Variants in PIP4K2B observed in about 807,000 individuals in gnomAD.
PIP4K2B encodes the protein phosphatidylinositol 5-phosphate 4-kinase type-2 beta.
PIP4K2B carries 3 observed loss-of-function variants against 42.0 expected under a neutral mutation model. The observed-to-expected ratio is 0.07, with a 90% CI of 0.03 to 0.18. The LOEUF (loss-of-function observed/expected upper bound fraction) is 0.18, where lower values mean the gene tolerates loss of function less well. Among genes scored for constraint, PIP4K2B ranks in the 10% least tolerant of loss-of-function variants. PIP4K2B has a pLI of 1.00. For missense variants in PIP4K2B, 332 were observed against 562.3 expected (o/e 0.59, Z 4.14); for synonymous variants, 204 against 210.1 (o/e 0.97, Z 0.25).
chr17:38,784,406 T>C, intron 2 of PIP4K2B, 67 bp from the exon 3 acceptor site: 1 of 868,344 alleles, frequency 1.2e-6, no homozygotes, highest in South Asian at 1.6e-5. Context: ...TTATTATTAT[T>C]ATTTTTTGTA....
chr17:38,793,113 G>A (rs1013242301), intron 1 of PIP4K2B, among the ~76,000 whole-genome samples: 9 of 152,034 alleles, frequency 5.9e-5, no homozygotes, highest in Admixed American at 5.2e-4. Flanking sequence ...ATTTTTAGTA[G>A]AGACAGGGTT....
chr17:38,779,475 G>A lies in PIP4K2B; in HGVS notation c.562C>T (p.Arg188Cys), dbSNP rs921140472. 1.9e-6 allele frequency: 3 copies of A among 1,613,922 alleles called. No homozygotes were observed. The highest frequency in any genetic ancestry group is 2.5e-6 in the Non-Finnish European group (3 of 1,179,836). The change falls in exon 5 of 10, where the codon CGC becomes TGC. Residue 188 changes from arginine to cysteine, a missense_variant. By Grantham distance (180) the Arg-to-Cys change is radical. Coordinates refer to ENST00000619039, the MANE Select transcript of PIP4K2B (RefSeq NM_003559.5). The part of the protein sequence containing the change: ...TLLPQFLGMY[R>C]LTVDGVETYM... ...GTTTCCACACCATCCACGGTCAGGCGGTACATGCCCAGGAACTGTGGCAAA... is the reference window on the plus strand; with the variant it reads ...GTTTCCACACCATCCACGGTCAGGCAGTACATGCCCAGGAACTGTGGCAAA...
chr17:38,797,653 C>T (rs1910727071), intron 1 of PIP4K2B, among the ~76,000 whole-genome samples: 1 of 152,196 alleles, frequency 6.6e-6, no homozygotes, highest in Non-Finnish European at 1.5e-5. Flanking sequence ...AGGCCTCTAC[C>T]AGTTCTCTAC....
At chr17:38,782,118 G>T (rs935145026) in intron 3 of PIP4K2B, among the ~76,000 whole-genome samples, 19 of 152,304 alleles carry the variant, frequency 1.2e-4, no homozygotes, top group African/African-American at 4.3e-4. Context: ...TGCTAAAGTA[G>T]CACCCCAAAA....
At chr17:38,778,868 T>C (rs1354824945) in intron 5 of PIP4K2B, among the ~76,000 whole-genome samples, 2 of 152,028 alleles carry the variant, frequency 1.3e-5, no homozygotes, top group Non-Finnish European at 2.9e-5. Flanking sequence ...AGGAGACTAT[T>C]CCAGACAGCA....
At position 38,781,031 on chromosome 17, in the gene PIP4K2B, T is replaced by A. The variant is rs140579015; in HGVS notation, c.355-427A>T. Among the ~76,000 whole-genome samples, 9 of 152,250 alleles carry A rather than the reference T, an allele frequency of 5.9e-5. No individual in the cohort carries two copies. The East Asian group carries it at 1.7e-3, about 29-fold the overall frequency. ...AACACAAAGATGCAGACTGAGCTGA[T>A]TCTCCCAGTCTCTTGGGGGTAGCAA... On this transcript the variant is annotated intron_variant, in intron 3 of 9. Transcript: ENST00000619039.
intron 1 of PIP4K2B, among the ~76,000 whole-genome samples, chr17:38,795,206 T>G (rs1008721581): frequency 1.4e-5 from 2 of 147,980 alleles, no homozygotes; most frequent in African/African-American, 5.0e-5. Flanking sequence ...ATCTAGAATA[T>G]AAAAAGAATT....
intron 1 of PIP4K2B, 63 bp from the exon 2 acceptor site, chr17:38,786,983 C>T: frequency 2.0e-6 from 2 of 1,006,708 alleles, no homozygotes; most frequent in Admixed American, 1.7e-5. Flanking sequence ...AGACACTAAG[C>T]TACAATGTGG....
rs375494838 is a variant in PIP4K2B, at chr17:38,790,916, CAG to C, written c.160-3998_160-3997del. On this transcript the variant is annotated intron_variant, in intron 1 of 9. Transcript: ENST00000619039. The stretch of plus-strand genomic sequence containing the variant: ...TTTAGTTGTGTGAAATTTTATATCC[CAG>C]AGAGTTCTATTCCATTTCAATTGAA... 5.0e-4 allele frequency among the ~76,000 whole-genome samples: 76 copies of C among 152,178 alleles called. 1 individual carries two copies. The East Asian group carries it at 0.013, about 25-fold the overall frequency.
chr17:38,769,445 G>C lies in PIP4K2B; in HGVS notation c.*246C>G, dbSNP rs910314008. On this transcript the variant is annotated 3_prime_UTR_variant, in exon 10 of 10. Coordinates refer to ENST00000619039, the MANE Select transcript of PIP4K2B (RefSeq NM_003559.5). ...CCTTTTTAACCTGGGTGTCAAATGG[G>C]GAGAAAAAATCAAGGGTAAGCAGAA... 2.0e-6 allele frequency: 1 copy of C among 502,450 alleles called. No homozygotes were observed. Among genetic ancestry groups the C allele is most frequent in the Non-Finnish European group, 3.5e-6 (1 of 282,674 alleles). 31.1% of individuals were successfully genotyped at this position (502,450 alleles called of 1,614,324 possible). A position where few individuals can be genotyped will look rare whatever the true frequency, so the allele number is the denominator to read the frequency against.
intron 9 of PIP4K2B, 26 bp from the exon 10 acceptor site, chr17:38,769,797 G>A: frequency 6.2e-7 from 1 of 1,612,878 alleles, no homozygotes; most frequent in Non-Finnish European, 8.5e-7. Flanking sequence ...GGCTGATTCA[G>A]GTTGAGTTCC....
At chr17:38,788,272 C>T (rs936485751) in intron 1 of PIP4K2B, among the ~76,000 whole-genome samples, 2 of 151,902 alleles carry the variant, frequency 1.3e-5, no homozygotes, top group African/African-American at 4.8e-5. Flanking sequence ...GCGATCTCAG[C>T]TCACTGCAAG....
intron 7 of PIP4K2B, among the ~76,000 whole-genome samples, chr17:38,776,355 G>A (rs140607539): frequency 3.7e-4 from 57 of 152,304 alleles, no homozygotes; most frequent in Non-Finnish European, 5.9e-4. Flanking sequence ...GGTTAGGGAG[G>A]GGGAATTGGG....
chr17:38,778,029 G>A (rs1598047239), intron 6 of PIP4K2B, among the ~76,000 whole-genome samples: 2 of 152,338 alleles, frequency 1.3e-5, no homozygotes, highest in East Asian at 3.9e-4. Context: ...CTTTCCTGTT[G>A]AGCCTGGACC....
intron 3 of PIP4K2B, among the ~76,000 whole-genome samples, chr17:38,781,172 C>T (rs540857512): frequency 6.6e-6 from 1 of 152,252 alleles, no homozygotes; most frequent in South Asian, 2.1e-4. Flanking sequence ...AAGCAGGAAG[C>T]TGATCCTCAT....
Position 38,786,914 on chromosome 17 carries a change from C to G in PIP4K2B, c.166G>C (p.Glu56Gln). Residue 56 changes from glutamate to glutamine, a missense_variant, in exon 2 of 10, where the codon GAG (glutamate) becomes CAG (glutamine). Physicochemically the swap from Glu to Gln is conservative, Grantham distance 29 (BLOSUM62 2). Around this residue, in one of 6 missense-constraint regions of PIP4K2B, gnomAD observed 186 missense variants for 288.4 expected, o/e 0.64. Coordinates refer to ENST00000619039, the MANE Select transcript of PIP4K2B (RefSeq NM_003559.5). The part of the protein sequence containing the change: ...LMWGVNHTIN[E>Q]LSNVPVPVML... ...ACAGGAACAGGAACATTGCTCAGCT[C>G]ATTGATCTGAAAAGCAAGGAGAACG... 1 of 1,611,174 alleles carries G rather than the reference C, an allele frequency of 6.2e-7. No individual in the cohort carries two copies. The highest frequency in any genetic ancestry group is 8.5e-7 in the Non-Finnish European group (1 of 1,177,268).
chr17:38,771,140 C>T lies in PIP4K2B; in HGVS notation c.940G>A (p.Gly314Ser), dbSNP rs774421628. 50 of 1,613,982 alleles carry T rather than the reference C, an allele frequency of 3.1e-5. No individual in the cohort carries two copies. In the South Asian group the frequency reaches 5.1e-4, roughly 16 times the overall value. Residue 314 changes from glycine (G) to serine (S), a missense_variant, in exon 8 of 10, where the codon GGC (glycine) becomes AGC (serine). Transcript: ENST00000619039. ...GTGCCATAGGAGCAGAGTAGGTTGC[C>T]ACCCACCCCATCATTCTCACACTCC... ...DEECENDGVG[G>S]NLLCSYGTPP... is the part of the protein sequence containing the mutation.
chr17:38,772,038 A>C (rs1207558439), intron 7 of PIP4K2B, among the ~76,000 whole-genome samples: 3 of 152,126 alleles, frequency 2.0e-5, no homozygotes, highest in Non-Finnish European at 4.4e-5. Context: ...TCTTGTTTTA[A>C]AAAAAGAGGC....
intron 1 of PIP4K2B, among the ~76,000 whole-genome samples, chr17:38,791,340 T>G (rs1403936415): frequency 6.7e-6 from 1 of 150,012 alleles, no homozygotes; most frequent in Non-Finnish European, 1.5e-5. Context: ...CCTCTCAACC[T>G]CAGGGTAAAG....
Sources: allele counts gnomAD v4.1 joint callset (sites outside exome capture counted in the v4.1 genomes callset), GRCh38; gene constraint gnomAD v4.1.1; regional missense constraint gnomAD v4.1.1; transcripts MANE v1.5; gene names NCBI Gene and HGNC (gene_info 2026-07-23, HGNC 2026-07-21).